Variants in GRID2 observed in about 807,000 individuals in gnomAD.
GRID2 encodes the protein glutamate ionotropic receptor delta type subunit 2.
A neutral mutation model predicts 114.8 loss-of-function variants in GRID2; 33 were observed. The observed-to-expected ratio is 0.29, with a 90% CI of 0.22 to 0.38. The LOEUF (loss-of-function observed/expected upper bound fraction) is 0.38. Ranked by LOEUF, GRID2 falls within the 10% of genes least tolerant of loss-of-function variation. GRID2 has a pLI of 1.00. For missense variants in GRID2, 1,184 were observed against 1,257.7 expected, an observed-to-expected ratio of 0.94 and a Z score of 0.89; for synonymous variants, 505 against 449.9, an observed-to-expected ratio of 1.12 and a Z score of -1.55.
chr4:93,163,384 A>ATATATATATAGTG (rs1737913366), intron 4 of GRID2, among the ~76,000 whole-genome samples: 1 of 39,428 alleles, frequency 2.5e-5, no homozygotes, highest in African/African-American at 1.4e-4. Flanking sequence ...ATATATATAT[A>ATATATATATAGTG]TATATATATA....
At chr4:92,645,380 T>C (rs191339134) in intron 2 of GRID2, among the ~76,000 whole-genome samples, 8 of 151,950 alleles carry the variant, frequency 5.3e-5, no homozygotes, top group Non-Finnish European at 1.0e-4. Flanking sequence ...TTATTTGTAG[T>C]TGTAGTCAAG....
Position 92,505,410 on chromosome 4 carries a change from T to C in GRID2, c.89-84721T>C, listed in dbSNP as rs186154517. Among the ~76,000 whole-genome samples the C allele has an allele frequency of 4.0e-4, 61 of 152,204 alleles. 1 individual carries two copies. Among genetic ancestry groups the C allele is most frequent in the African/African-American group, 1.3e-3 (54 of 41,572 alleles). ...ATAATATAGATCTTTTCCCTATTTT[T>C]CTTCTTTCTTCCTTCTTCCTTTCTT... is the stretch of plus-strand genomic sequence containing the variant. On this transcript the variant is annotated intron_variant, in intron 1 of 15. Coordinates refer to ENST00000282020, the MANE Select transcript of GRID2 (RefSeq NM_001510.4).
chr4:93,236,397 G>C (rs1477124397), intron 7 of GRID2, among the ~76,000 whole-genome samples: 1 of 151,916 alleles, frequency 6.6e-6, no homozygotes, highest in African/African-American at 2.4e-5. Context: ...TCCAAGGAAG[G>C]TTTCATAGGT....
intron 11 of GRID2, among the ~76,000 whole-genome samples, chr4:93,463,728 G>T (rs1328021587): frequency 6.6e-6 from 1 of 151,666 alleles, no homozygotes; most frequent in Admixed American, 6.6e-5. Context: ...GGTGGCTCAC[G>T]CCTGTAATCC....
chr4:93,691,861 A>G (rs551444775), intron 14 of GRID2, among the ~76,000 whole-genome samples: 3 of 151,968 alleles, frequency 2.0e-5, no homozygotes, highest in Non-Finnish European at 4.4e-5. Context: ...ATAATTTTAT[A>G]TACTAATTTC....
chr4:93,343,395 C>T (rs1759862254), intron 8 of GRID2, among the ~76,000 whole-genome samples: 1 of 151,984 alleles, frequency 6.6e-6, no homozygotes, highest in Non-Finnish European at 1.5e-5. Flanking sequence ...TTCAAGTTCT[C>T]CCAGATGAAA....
intron 2 of GRID2, among the ~76,000 whole-genome samples, chr4:92,765,379 A>G (rs1319615253): frequency 6.6e-6 from 1 of 152,198 alleles, no homozygotes; most frequent in African/African-American, 2.4e-5. Flanking sequence ...ACTCATCATT[A>G]TATGCATTGT....
At chr4:93,454,785 T>C (rs2149410504) in intron 10 of GRID2, among the ~76,000 whole-genome samples, 1 of 152,220 alleles carries the variant, frequency 6.6e-6, no homozygotes, top group Admixed American at 6.5e-5. Context: ...CAAAAAATAA[T>C]TTACTAGTGT....
chr4:93,592,355 A>G (rs1738452589), intron 13 of GRID2, among the ~76,000 whole-genome samples: 1 of 152,222 alleles, frequency 6.6e-6, no homozygotes, highest in African/African-American at 2.4e-5. Context: ...GTTTCCATGT[A>G]GATGAGCGAT....
chr4:93,785,077 A>T (rs2110354033), intron 1 of GRID2, among the ~76,000 whole-genome samples: 1 of 152,318 alleles, frequency 6.6e-6, no homozygotes, highest in East Asian at 1.9e-4. Flanking sequence ...CATCCAAGTC[A>T]CCGTGGAGGG....
In GRID2 at chr4:93,363,965, T is replaced by C. The variant is rs558940102; in HGVS notation, c.1246-31642T>C. Among the ~76,000 whole-genome samples, 44 of 152,150 alleles carry C rather than the reference T, an allele frequency of 2.9e-4. 2 individuals are homozygous for C. In the South Asian group the frequency reaches 8.5e-3, roughly 29 times the overall value. On this transcript the variant is annotated intron_variant, in intron 8 of 15. Transcript: ENST00000282020. ...TCTCTATTCTTCAGTTCTGTATTTT[T>C]ATTCATCTCATAGTCATCTCAGTTA...
chr4:92,954,677 C>A (rs1752264313), intron 2 of GRID2, among the ~76,000 whole-genome samples: 1 of 148,158 alleles, frequency 6.7e-6, no homozygotes, highest in South Asian at 2.2e-4. Context: ...AGGTTAGTTA[C>A]ATATGTATAC....
At chr4:92,389,565 G>T (rs1364844448) in intron 1 of GRID2, among the ~76,000 whole-genome samples, 1 of 152,032 alleles carries the variant, frequency 6.6e-6, no homozygotes, top group African/African-American at 2.4e-5. Context: ...TGAATGTCAT[G>T]ATTGTTTTCT....
intron 1 of GRID2, among the ~76,000 whole-genome samples, chr4:93,780,995 T>G (rs536673499): frequency 1.3e-5 from 2 of 152,112 alleles, no homozygotes; most frequent in Non-Finnish European, 2.9e-5. Flanking sequence ...TCAAGAGAAC[T>G]TGAAGGTTAA....
intron 2 of GRID2, among the ~76,000 whole-genome samples, chr4:92,732,882 T>G (rs556507191): frequency 2.0e-5 from 3 of 152,148 alleles, no homozygotes; most frequent in Non-Finnish European, 4.4e-5. Context: ...TCGTTGTACA[T>G]TTTTCTCCCA....
intron 1 of GRID2, among the ~76,000 whole-genome samples, chr4:92,318,661 A>T (rs1726139959): frequency 6.6e-6 from 1 of 151,098 alleles, no homozygotes; most frequent in South Asian, 2.1e-4. Context: ...TTTTTTGCAG[A>T]GGGAATTTTC....
intron 2 of GRID2, among the ~76,000 whole-genome samples, chr4:92,711,375 A>G (rs1384216656): frequency 6.6e-6 from 1 of 152,158 alleles, no homozygotes; most frequent in Non-Finnish European, 1.5e-5. Flanking sequence ...GGCTTGACTA[A>G]GAAAATATTT....
intron 2 of GRID2, among the ~76,000 whole-genome samples, chr4:92,646,376 A>G (rs1731624339): frequency 1.3e-5 from 2 of 152,222 alleles, no homozygotes; most frequent in South Asian, 2.1e-4. Flanking sequence ...TGTCAAATAT[A>G]TTACATTATT....
At chr4:93,027,907 A>T (rs926772997) in intron 2 of GRID2, among the ~76,000 whole-genome samples, 1 of 152,124 alleles carries the variant, frequency 6.6e-6, no homozygotes, top group Admixed American at 6.6e-5. Context: ...AATCTAAAAT[A>T]TTATTTTATT....
Sources: allele counts gnomAD v4.1 joint callset (sites outside exome capture counted in the v4.1 genomes callset), GRCh38; gene constraint gnomAD v4.1.1; transcripts MANE v1.5; gene names NCBI Gene and HGNC (gene_info 2026-07-23, HGNC 2026-07-21).